EML6: variants seen among roughly 807,000 people sequenced by gnomAD.
EML6 encodes echinoderm microtubule-associated protein-like 6.
A neutral mutation model predicts 240.1 loss-of-function variants in EML6; 154 were observed. The observed-to-expected ratio is 0.64, with a 90% CI of 0.56 to 0.73. The LOEUF (loss-of-function observed/expected upper bound fraction) is 0.73. Among genes scored for constraint, EML6 ranks in the 30% least tolerant of loss-of-function variants. EML6 has a pLI of 0.00. For missense variants in EML6, 2,964 were observed against 2,474.6 expected (o/e 1.20, Z -4.20); for synonymous variants, 1,148 against 899.0 (o/e 1.28, Z -4.95).
intron 23 of EML6, 81 bp from the exon 24 acceptor site, chr2:54,903,290 C>A (rs1673156934): frequency 2.6e-6 from 4 of 1,523,156 alleles, no homozygotes; most frequent in Non-Finnish European, 3.5e-6. Flanking sequence ...TGACCATTTT[C>A]CCACTTTTAA....
Position 54,863,905 on chromosome 2 carries a change from G to GCTGATCCAT in EML6, c.1932+17_1932+18insTGATCCATC. On this transcript the variant is annotated intron_variant, in intron 13 of 41. Coordinates refer to ENST00000356458, the MANE Select transcript of EML6 (RefSeq NM_001039753.4). The stretch of plus-strand genomic sequence containing the variant: ...TGATCGCCAGGTCGGTAAGCAGGGA[G>GCTGATCCAT]CAATGAAAATTTGTAACCCCAGAAG... 1 of 1,442,114 alleles carries GCTGATCCAT rather than the reference G, an allele frequency of 6.9e-7. No individual in the cohort carries two copies. Among genetic ancestry groups the GCTGATCCAT allele is most frequent in the Non-Finnish European group, 9.5e-7 (1 of 1,054,770 alleles). 89.3% of individuals were successfully genotyped at this position (1,442,114 alleles called of 1,614,324 possible). A position where few individuals can be genotyped will look rare whatever the true frequency, so the allele number is the denominator to read the frequency against.
intron 2 of EML6, among the ~76,000 whole-genome samples, chr2:54,782,079 A>T (rs1200372736): frequency 6.6e-6 from 1 of 152,234 alleles, no homozygotes. Flanking sequence ...ACCAAATTGC[A>T]TTCTGTATTG....
At chr2:54,817,745 A>T (rs756354031) in intron 4 of EML6, among the ~76,000 whole-genome samples, 10 of 152,158 alleles carry the variant, frequency 6.6e-5, no homozygotes, top group Admixed American at 1.3e-4. Flanking sequence ...GACAAGCTTC[A>T]TGTAGAATGA....
At chr2:54,865,375 G>A (rs1237857246) in intron 13 of EML6, among the ~76,000 whole-genome samples, 1 of 150,950 alleles carries the variant, frequency 6.6e-6, no homozygotes, top group East Asian at 1.9e-4. Flanking sequence ...TACTCAGGAA[G>A]CTGAGGTGGG....
intron 7 of EML6, among the ~76,000 whole-genome samples, chr2:54,837,912 G>A (rs552612121): frequency 6.6e-6 from 1 of 152,278 alleles, no homozygotes; most frequent in African/African-American, 2.4e-5. Flanking sequence ...ACCATATCAG[G>A]CCTTGGAACA....
intron 11 of EML6, among the ~76,000 whole-genome samples, chr2:54,856,246 G>A (rs1364460618): frequency 6.6e-6 from 1 of 152,142 alleles, no homozygotes; most frequent in Non-Finnish European, 1.5e-5. Context: ...ACTATATCCT[G>A]TTTGACCATC....
At chr2:54,940,448 G>C (rs1454606170) in intron 28 of EML6, among the ~76,000 whole-genome samples, 1 of 151,986 alleles carries the variant, frequency 6.6e-6, no homozygotes, top group Non-Finnish European at 1.5e-5. Flanking sequence ...TTAGTCTGTG[G>C]CGTCAATATA....
chr2:54,934,494 C>G (rs1675031034), intron 28 of EML6, among the ~76,000 whole-genome samples: 1 of 152,028 alleles, frequency 6.6e-6, no homozygotes, highest in Non-Finnish European at 1.5e-5. Context: ...ATTTAGTCCT[C>G]TGGCCTAAGA....
chr2:54,967,920 G>T (rs10207701), intron 39 of EML6, among the ~76,000 whole-genome samples: 18,755 of 152,150 alleles, frequency 0.12, 1,833 homozygotes, highest in African/African-American at 0.27. Flanking sequence ...GCGGAGTTCA[G>T]GTGGTAATGC....
At chr2:54,886,984 T>C (rs1205195438) in intron 17 of EML6, among the ~76,000 whole-genome samples, 1 of 152,228 alleles carries the variant, frequency 6.6e-6, no homozygotes, top group East Asian at 1.9e-4. Flanking sequence ...CTGTAGAGAA[T>C]TTGAAAATAA....
At chr2:54,835,789 A>G (rs968246264) in intron 7 of EML6, among the ~76,000 whole-genome samples, 1 of 152,174 alleles carries the variant, frequency 6.6e-6, no homozygotes, top group African/African-American at 2.4e-5. Context: ...ATCTATGGAT[A>G]GAGGCCAGGG....
intron 22 of EML6, 37 bp downstream of exon 22, chr2:54,899,819 T>C: frequency 6.6e-7 from 1 of 1,524,490 alleles, no homozygotes; most frequent in Non-Finnish European, 8.9e-7. Context: ...TCAGAGTATT[T>C]ACAAGTAACA....
At chr2:54,908,030 T>C (rs1490798608) in intron 24 of EML6, among the ~76,000 whole-genome samples, 2 of 151,190 alleles carry the variant, frequency 1.3e-5, no homozygotes, top group African/African-American at 4.9e-5. Context: ...GAAAAAGGAG[T>C]GGTGACCTAA....
chr2:54,795,412 C>A (rs1669705753), intron 2 of EML6, among the ~76,000 whole-genome samples: 1 of 152,148 alleles, frequency 6.6e-6, no homozygotes, highest in Non-Finnish European at 1.5e-5. Context: ...CCAGTTACCC[C>A]CCACCAGGCC....
At chr2:54,922,030 T>G (rs1190905393) in intron 26 of EML6, among the ~76,000 whole-genome samples, 2 of 152,148 alleles carry the variant, frequency 1.3e-5, no homozygotes, top group Non-Finnish European at 2.9e-5. Flanking sequence ...TTCTTGGATG[T>G]AACAGCCAAA....
At chr2:54,810,670 G>T (rs1228230835) in intron 2 of EML6, among the ~76,000 whole-genome samples, 1 of 152,140 alleles carries the variant, frequency 6.6e-6, no homozygotes, top group African/African-American at 2.4e-5. Context: ...ATTGCAGGGG[G>T]AGAGGCAATA....
chr2:54,754,561 G>A (rs1684318144), intron 2 of EML6, among the ~76,000 whole-genome samples: 1 of 152,064 alleles, frequency 6.6e-6, no homozygotes, highest in South Asian at 2.1e-4. Flanking sequence ...ATATATATGA[G>A]TTATTTATAT....
chr2:54,796,745 A>G lies in EML6; in HGVS notation c.198-16487A>G, dbSNP rs569173378. 2.6e-5 allele frequency among the ~76,000 whole-genome samples: 4 copies of G among 152,236 alleles called. No homozygotes were observed. In the East Asian group the frequency reaches 5.8e-4, roughly 22 times the overall value. ...CTACAAAGCGCCTACTTGGGAGAAA[A>G]TGTTGTGTTTCTTGTGGTAACATAA... On this transcript the variant is annotated intron_variant, in intron 2 of 41. Coordinates refer to ENST00000356458, the MANE Select transcript of EML6 (RefSeq NM_001039753.4).
At chr2:54,736,285 C>T (rs1249681650) in intron 2 of EML6, among the ~76,000 whole-genome samples, 1 of 152,208 alleles carries the variant, frequency 6.6e-6, no homozygotes, top group Non-Finnish European at 1.5e-5. Flanking sequence ...TTTTTATTAA[C>T]CTTTTCTTCT....
Sources: allele counts gnomAD v4.1 joint callset (sites outside exome capture counted in the v4.1 genomes callset), GRCh38; gene constraint gnomAD v4.1.1; transcripts MANE v1.5; gene names NCBI Gene and HGNC (gene_info 2026-07-23, HGNC 2026-07-21).